PLB1: variants seen among roughly 807,000 people sequenced by gnomAD.
PLB1 encodes the protein phospholipase B1.
Under a neutral mutation model 227.4 loss-of-function variants are expected in PLB1, and 242 were observed. That is an observed-to-expected ratio of 1.06 (90% confidence interval 0.96 to 1.18). The LOEUF is 1.18. Ranked by LOEUF, PLB1 falls within the 50% of genes most tolerant of loss-of-function variation. PLB1 has a pLI of 0.00. For missense variants in PLB1, 1,858 were observed against 1,816.3 expected (o/e 1.02, Z -0.42); for synonymous variants, 757 against 682.2 (o/e 1.11, Z -1.71).
Position 28,554,262 on chromosome 2 carries a change from T to C in PLB1, c.1147+1271T>C, listed in dbSNP as rs184468345. Among the ~76,000 whole-genome samples, 281 of 152,092 alleles carry C rather than the reference T, an allele frequency of 1.8e-3. 2 individuals are homozygous for C. Among genetic ancestry groups the C allele is most frequent in the Non-Finnish European group, 6.2e-4 (42 of 67,998 alleles). ...CAAAAATAGATAGATTAGGTATAGA[T>C]ACAGATAGATAGATGTGTGTTTATA... On this transcript the variant is annotated intron_variant, in intron 17 of 57. Transcript: ENST00000327757.
At chr2:28,593,596 C>T (rs1456875058) in intron 32 of PLB1, 85 bp from the exon 33 acceptor site, 5 of 1,159,404 alleles carry the variant, frequency 4.3e-6, no homozygotes, top group Non-Finnish European at 6.4e-6. Context: ...CATTGGGAAC[C>T]CCCTCTTTGG....
chr2:28,630,510 T>G (rs6731155), intron 53 of PLB1, 76 bp from the exon 54 acceptor site: 19 of 1,330,336 alleles, frequency 1.4e-5, no homozygotes, highest in African/African-American at 1.0e-4. Context: ...CTGCTCTGTG[T>G]GTCAGAGCCA....
intron 23 of PLB1, among the ~76,000 whole-genome samples, chr2:28,580,850 C>G (rs547057910): frequency 6.6e-6 from 1 of 152,258 alleles, no homozygotes; most frequent in East Asian, 1.9e-4. Flanking sequence ...AGGGGACCAG[C>G]AGAGTGAGGT....
rs1321815096 is a variant in PLB1, at chr2:28,540,350, G to A, written c.699-16G>A. On this transcript the variant is annotated splice_polypyrimidine_tract_variant and intron_variant, in intron 11 of 57. Transcript: ENST00000327757. ...CTGCCTCCCCTCTCTCATTCCTGGT[G>A]TGTTTTAACCTGCAGCCCTGCACCA... 4 of 1,612,236 alleles carry A rather than the reference G, an allele frequency of 2.5e-6. No individual in the cohort carries two copies. Among genetic ancestry groups the A allele is most frequent in the African/African-American group, 2.7e-5 (2 of 74,852 alleles).
intron 30 of PLB1, among the ~76,000 whole-genome samples, chr2:28,591,498 T>A (rs1573241824): frequency 2.0e-5 from 3 of 151,908 alleles, no homozygotes; most frequent in Admixed American, 6.6e-5. Flanking sequence ...GGTGGAGGGG[T>A]CTGAACTCGA....
intron 3 of PLB1, among the ~76,000 whole-genome samples, chr2:28,519,241 G>C (rs1558656444): frequency 6.6e-6 from 1 of 152,138 alleles, no homozygotes; most frequent in African/African-American, 2.4e-5. Flanking sequence ...CTTGCATCTG[G>C]TGTGGATATG....
At chr2:28,581,970 A>G (rs1680094624) in intron 23 of PLB1, 98 bp from the exon 24 acceptor site, 6 of 902,598 alleles carry the variant, frequency 6.6e-6, no homozygotes, top group Middle Eastern at 2.5e-4. Context: ...CAAAAAAAGA[A>G]AAAAAAAAAA....
chr2:28,580,870 A>G (rs993048807), intron 23 of PLB1, among the ~76,000 whole-genome samples: 2 of 152,144 alleles, frequency 1.3e-5, no homozygotes, highest in African/African-American at 2.4e-5. Flanking sequence ...TTTAGGAAGT[A>G]GTGGCCTTGC....
At chr2:28,571,418 C>T (rs143407448) in intron 20 of PLB1, among the ~76,000 whole-genome samples, 236 of 152,256 alleles carry the variant, frequency 1.6e-3, no homozygotes, top group Non-Finnish European at 2.8e-3. Context: ...ATCAAAATTC[C>T]AGCTAGCTCC....
chr2:28,595,468 TTGTATC>T (rs923620713), intron 33 of PLB1: 1 of 152,142 alleles, frequency 6.6e-6, no homozygotes, highest in African/African-American at 2.4e-5. Flanking sequence ...AGAAAATCCT[TTGTATC>T]TGAGGGGGAA....
intron 43 of PLB1, among the ~76,000 whole-genome samples, chr2:28,608,294 C>T (rs1246771099): frequency 6.6e-6 from 1 of 152,240 alleles, no homozygotes; most frequent in Non-Finnish European, 1.5e-5. Flanking sequence ...TGCTCCCTCC[C>T]ATGTGCCTTG....
intron 39 of PLB1, 52 bp from the exon 40 acceptor site, chr2:28,603,914 C>T: frequency 1.3e-6 from 2 of 1,543,038 alleles, no homozygotes; most frequent in East Asian, 2.2e-5. Flanking sequence ...CAGAACCAGC[C>T]CCTGATGGAA....
Position 28,625,109 on chromosome 2 carries a change from G to T in PLB1, c.3579+1G>T. On this transcript the variant is annotated splice_donor_variant, in intron 50 of 57. Coordinates refer to ENST00000327757, the MANE Select transcript of PLB1 (RefSeq NM_153021.5). LOFTEE classifies it high-confidence loss of function. ...GGTAGAGCGAATGAAAAACAGCCCC[G>T]TGAGTACAGGCCCCCAGGCCACCCC... 1 of 1,612,814 alleles carries T rather than the reference G, an allele frequency of 6.2e-7. No individual in the cohort carries two copies. The highest frequency in any genetic ancestry group is 8.5e-7 in the Non-Finnish European group (1 of 1,179,320).
At chr2:28,626,643 C>T in intron 51 of PLB1, 135 bp downstream of exon 51, 2 of 777,448 alleles carry the variant, frequency 2.6e-6, no homozygotes, top group Non-Finnish European at 4.3e-6. Context: ...GCCCCAGGCC[C>T]TCCCTGGTTT....
In PLB1 at chr2:28,617,795, AAAACATCATCATCT is replaced by A. The variant is rs781285196; in HGVS notation, c.3256+9_3256+22del. 62 of 1,612,322 alleles carry A rather than the reference AAAACATCATCATCT, an allele frequency of 3.8e-5. No individual in the cohort carries two copies. The highest frequency in any genetic ancestry group is 1.0e-4 in the Admixed American group (6 of 60,012). ...ATAGTGTTCCAACCTCTGGTGAGTG[AAAACATCATCATCT>A]CCTTCAATTAAGGGCCTTGCCGAAT... On this transcript the variant is annotated intron_variant, in intron 45 of 57. Coordinates refer to ENST00000327757, the MANE Select transcript of PLB1 (RefSeq NM_153021.5).
intron 2 of PLB1, among the ~76,000 whole-genome samples, chr2:28,518,113 C>T (rs1451999093): frequency 6.6e-6 from 1 of 152,084 alleles, no homozygotes; most frequent in African/African-American, 2.4e-5. Context: ...AACTCCTGAT[C>T]TCAAGTGATC....
chr2:28,519,779 A>G lies in PLB1; in HGVS notation c.243+16A>G. On this transcript the variant is annotated intron_variant, in intron 4 of 57. Coordinates refer to ENST00000327757, the MANE Select transcript of PLB1 (RefSeq NM_153021.5). ...TCTGGAAATTGTGAGTATTTGAAGT[A>G]GCTTGGGGCAGGAGACAGAGTTTGG... is the stretch of plus-strand genomic sequence containing the variant. 1 of 1,600,872 alleles carries G rather than the reference A, an allele frequency of 6.2e-7. No individual in the cohort carries two copies. Among genetic ancestry groups the G allele is most frequent in the Non-Finnish European group, 8.6e-7 (1 of 1,168,034 alleles).
chr2:28,505,260 G>A (rs1286455819), intron 1 of PLB1, among the ~76,000 whole-genome samples: 5 of 152,140 alleles, frequency 3.3e-5, no homozygotes, highest in Non-Finnish European at 5.9e-5. Flanking sequence ...AGCACCTTTC[G>A]CTACCTTACA....
At chr2:28,577,590 C>A (rs888265420) in intron 21 of PLB1, among the ~76,000 whole-genome samples, 5 of 152,164 alleles carry the variant, frequency 3.3e-5, no homozygotes, top group African/African-American at 7.2e-5. Flanking sequence ...CGCCTGTAAT[C>A]CCAGCATTTT....
Sources: gnomAD v4.1 joint callset for allele counts (sites outside exome capture counted in the v4.1 genomes callset) on GRCh38, gnomAD v4.1.1 for gene constraint, MANE v1.5 for transcripts, NCBI Gene and HGNC (gene_info 2026-07-23, HGNC 2026-07-21) for gene names.